The following PPP2R2B variants were observed in gnomAD, a reference collection of about 807,000 sequenced individuals.
PPP2R2B encodes the protein protein phosphatase 2 regulatory subunit Bbeta.
In PPP2R2B, 5 loss-of-function variants were observed where a neutral mutation model predicts 46.0. The observed-to-expected ratio is 0.11, with a 90% CI of 0.06 to 0.23. The LOEUF (loss-of-function observed/expected upper bound fraction) is 0.23, where lower values mean the gene tolerates loss of function less well. Ranked by LOEUF, PPP2R2B falls within the 10% of genes least tolerant of loss-of-function variation. The pLI, the probability that PPP2R2B is intolerant of heterozygous loss-of-function variation, is 1.00. For missense variants in PPP2R2B, 367 were observed against 575.0 expected (o/e 0.64, Z 3.70); for synonymous variants, 215 against 206.7 (o/e 1.04, Z -0.34).
chr5:146,800,672 C>T (rs1233925763), intron 2 of PPP2R2B, among the ~76,000 whole-genome samples: 2 of 151,964 alleles, frequency 1.3e-5, no homozygotes, highest in East Asian at 3.9e-4. Context: ...AAGTCATAAG[C>T]CCATCTATCG....
intron 1 of PPP2R2B, among the ~76,000 whole-genome samples, chr5:146,960,020 G>A (rs1455611860): frequency 3.3e-5 from 5 of 152,178 alleles, no homozygotes; most frequent in African/African-American, 9.6e-5. Flanking sequence ...ATCACTTTTA[G>A]TTGATTGCAA....
At chr5:147,001,886 C>T (rs939881618) in intron 1 of PPP2R2B, among the ~76,000 whole-genome samples, 3 of 152,106 alleles carry the variant, frequency 2.0e-5, no homozygotes, top group African/African-American at 7.2e-5. Context: ...GCTGCTTTTC[C>T]TGTACTTCTG....
intron 6 of PPP2R2B, among the ~76,000 whole-genome samples, chr5:146,644,503 A>G (rs1393436308): frequency 1.3e-5 from 2 of 152,220 alleles, no homozygotes; most frequent in African/African-American, 4.8e-5. Context: ...GCATTAAAAA[A>G]TAGCAGTTTC....
chr5:146,632,317 A>G (rs1774497365), intron 7 of PPP2R2B, among the ~76,000 whole-genome samples: 1 of 152,154 alleles, frequency 6.6e-6, no homozygotes, highest in Non-Finnish European at 1.5e-5. Flanking sequence ...CTTCTTTCGT[A>G]GCCTCCAGAA....
intron 1 of PPP2R2B, among the ~76,000 whole-genome samples, chr5:146,987,667 A>G (rs915271122): frequency 2.6e-5 from 4 of 152,018 alleles, no homozygotes; most frequent in South Asian, 2.1e-4. Context: ...AAAACATACT[A>G]CCAGACAAAA....
At chr5:146,637,449 A>G (rs1348380357) in intron 7 of PPP2R2B, among the ~76,000 whole-genome samples, 1 of 152,202 alleles carries the variant, frequency 6.6e-6, no homozygotes, top group East Asian at 1.9e-4. Flanking sequence ...GCAAGATTCA[A>G]TGGTGTACTG....
chr5:146,977,639 C>T (rs1752979874), intron 1 of PPP2R2B, among the ~76,000 whole-genome samples: 2 of 152,090 alleles, frequency 1.3e-5, no homozygotes, highest in Non-Finnish European at 2.9e-5. Context: ...GGTTTTCTGT[C>T]CCTGTGTTAG....
intron 2 of PPP2R2B, among the ~76,000 whole-genome samples, chr5:146,815,055 C>G (rs1757848633): frequency 6.6e-6 from 1 of 152,212 alleles, no homozygotes; most frequent in Non-Finnish European, 1.5e-5. Context: ...CTAACACTTA[C>G]AGTAGAAGGA....
chr5:146,742,352 C>T (rs773128954), intron 2 of PPP2R2B, among the ~76,000 whole-genome samples: 2 of 152,136 alleles, frequency 1.3e-5, no homozygotes, highest in Non-Finnish European at 2.9e-5. Flanking sequence ...ACTGCCAACA[C>T]TCTGGATGGC....
chr5:146,756,484 G>A (rs1017838070), intron 2 of PPP2R2B, among the ~76,000 whole-genome samples: 5 of 152,148 alleles, frequency 3.3e-5, no homozygotes, highest in African/African-American at 1.2e-4. Context: ...TGTATTCCAA[G>A]TTTCTTTCGA....
chr5:147,057,054 T>C (rs1019834941), upstream of PPP2R2B, among the ~76,000 whole-genome samples: 2 of 152,250 alleles, frequency 1.3e-5, no homozygotes, highest in African/African-American at 4.8e-5. Flanking sequence ...TAAGCCTTTA[T>C]GGGCTCTCTT....
intron 5 of PPP2R2B, among the ~76,000 whole-genome samples, chr5:146,655,726 C>A (rs987462059): frequency 6.6e-6 from 1 of 152,274 alleles, no homozygotes; most frequent in Admixed American, 6.5e-5. Flanking sequence ...GGGAGGCAGA[C>A]AAGTAAATAG....
chr5:147,010,089 G>T (rs1378106280), intron 1 of PPP2R2B, among the ~76,000 whole-genome samples: 1 of 152,138 alleles, frequency 6.6e-6, no homozygotes, highest in Non-Finnish European at 1.5e-5. Context: ...TTATCTGTCA[G>T]AAGGAATTTC....
intron 1 of PPP2R2B, among the ~76,000 whole-genome samples, chr5:146,965,322 A>G (rs999980483): frequency 5.3e-5 from 8 of 152,206 alleles, no homozygotes; most frequent in Non-Finnish European, 1.2e-4. Flanking sequence ...CCAGTACATC[A>G]TAGAAGGTAT....
intron 4 of PPP2R2B, among the ~76,000 whole-genome samples, chr5:146,696,237 A>G (rs1329594572): frequency 6.6e-6 from 1 of 151,712 alleles, no homozygotes; most frequent in Non-Finnish European, 1.5e-5. Flanking sequence ...CCGAGTAGCC[A>G]GGACTACAGG....
chr5:146,832,550 C>A (rs1326238436), intron 2 of PPP2R2B, among the ~76,000 whole-genome samples: 1 of 151,812 alleles, frequency 6.6e-6, no homozygotes, highest in Non-Finnish European at 1.5e-5. Flanking sequence ...TGCCACCACA[C>A]CCAGCTAGTT....
intron 7 of PPP2R2B, among the ~76,000 whole-genome samples, chr5:146,637,438 C>A (rs909693047): frequency 6.6e-6 from 1 of 152,168 alleles, no homozygotes; most frequent in Admixed American, 6.5e-5. Context: ...ATCTATGTAG[C>A]GCAAGATTCA....
At chr5:147,037,611 T>C (rs1756104350) in intron 1 of PPP2R2B, among the ~76,000 whole-genome samples, 1 of 152,132 alleles carries the variant, frequency 6.6e-6, no homozygotes, top group South Asian at 2.1e-4. Flanking sequence ...CAAGAAACTT[T>C]TGTGTATCAT....
chr5:146,624,913 C>A (rs1773945428), intron 7 of PPP2R2B, among the ~76,000 whole-genome samples: 1 of 152,230 alleles, frequency 6.6e-6, no homozygotes, highest in African/African-American at 2.4e-5. Flanking sequence ...AGAGCCACTC[C>A]ATTTGCTGTT....
Sources: gnomAD v4.1 joint callset for allele counts (sites outside exome capture counted in the v4.1 genomes callset) on GRCh38, gnomAD v4.1.1 for gene constraint, MANE v1.5 for transcripts, NCBI Gene and HGNC (gene_info 2026-07-23, HGNC 2026-07-21) for gene names.